The following ELMO1 variants were observed in gnomAD, a reference collection of about 807,000 sequenced individuals.
ELMO1 encodes engulfment and cell motility protein 1.
ELMO1 carries 26 observed loss-of-function variants against 98.9 expected under a neutral mutation model. The ratio of observed to expected loss-of-function variants is 0.26; its 90% confidence interval spans 0.19 to 0.36. The LOEUF (loss-of-function observed/expected upper bound fraction) is 0.36, where lower values mean the gene tolerates loss of function less well. ELMO1 is among the 10% of genes least tolerant of loss of function. ELMO1 has a pLI of 1.00. For missense variants in ELMO1, 627 were observed against 935.2 expected, an observed-to-expected ratio of 0.67 and a Z score of 4.30; for synonymous variants, 346 against 346.0, an observed-to-expected ratio of 1.00 and a Z score of 0.00.
At chr7:37,245,928 T>A (rs1219250213) in intron 6 of ELMO1, among the ~76,000 whole-genome samples, 1 of 152,158 alleles carries the variant, frequency 6.6e-6, no homozygotes, top group Non-Finnish European at 1.5e-5. Context: ...ACCCACTGAA[T>A]AAAACAGGAA....
chr7:36,905,297 A>C (rs1437457531), intron 16 of ELMO1, among the ~76,000 whole-genome samples: 2 of 152,032 alleles, frequency 1.3e-5, no homozygotes, highest in Non-Finnish European at 1.5e-5. Context: ...ACAAGGAATG[A>C]CCCTCCCATA....
At chr7:37,034,940 A>C (rs534004662) in intron 15 of ELMO1, among the ~76,000 whole-genome samples, 1 of 152,310 alleles carries the variant, frequency 6.6e-6, no homozygotes, top group African/African-American at 2.4e-5. Context: ...TCCTTCCTTC[A>C]GGGGTTGGAA....
rs377134541 is a variant in ELMO1, at chr7:37,342,736, C to A, written c.-46G>T. The stretch of plus-strand genomic sequence containing the variant: ...AAAGCCAGTGGGAATGAGGATCCTA[C>A]AGCGTAAACGGCCACACGTGTCTAT... On this transcript the variant is annotated 5_prime_UTR_variant, in exon 2 of 22. Coordinates refer to ENST00000310758, the MANE Select transcript of ELMO1 (RefSeq NM_014800.11). The surrounding 1 kb of genome is among the most constrained non-coding windows in gnomAD (Gnocchi z 4.3). 6.4e-5 allele frequency: 99 copies of A among 1,547,694 alleles called. No individual in the cohort carries two copies. Among genetic ancestry groups the A allele is most frequent in the Non-Finnish European group, 8.6e-5 (98 of 1,136,922 alleles).
At chr7:37,290,869 T>C (rs1797640583) in intron 4 of ELMO1, among the ~76,000 whole-genome samples, 1 of 146,386 alleles carries the variant, frequency 6.8e-6, no homozygotes, top group African/African-American at 2.5e-5. Context: ...ATGATGATGA[T>C]GACAGAGAAG....
intron 6 of ELMO1, among the ~76,000 whole-genome samples, chr7:37,254,130 AGAAG>A (rs1158934091): frequency 6.6e-6 from 1 of 152,204 alleles, no homozygotes; most frequent in Non-Finnish European, 1.5e-5. Context: ...CAGGACCAGC[AGAAG>A]GAAGGCAGGA....
intron 15 of ELMO1, among the ~76,000 whole-genome samples, chr7:37,014,228 T>C (rs1197384795): frequency 6.6e-6 from 1 of 152,100 alleles, no homozygotes; most frequent in Non-Finnish European, 1.5e-5. Context: ...CTTACATTTT[T>C]ATAGCCCTTT....
At chr7:37,240,032 CT>C (rs796716424) in intron 7 of ELMO1, among the ~76,000 whole-genome samples, 1,644 of 137,680 alleles carry the variant, frequency 0.012, 25 homozygotes, top group African/African-American at 0.043. Context: ...AATTTTCTTT[CT>C]TTTTTTTTTT....
intron 1 of ELMO1, among the ~76,000 whole-genome samples, chr7:37,373,468 G>A (rs999673824): frequency 2.0e-5 from 3 of 151,990 alleles, no homozygotes; most frequent in East Asian, 1.9e-4. Context: ...AATTAGCTGG[G>A]TGTGGTGGCA....
Position 36,861,944 on chromosome 7 carries a change from A to G in ELMO1, c.1906-208T>C, listed in dbSNP as rs1423042185. The G allele has an allele frequency of 5.2e-6, 3 of 578,864 alleles. No homozygotes were observed. In the East Asian group the frequency reaches 8.6e-5, roughly 17 times the overall value. 35.9% of individuals were successfully genotyped at this position (578,864 alleles called of 1,614,324 possible). On this transcript the variant is annotated intron_variant, in intron 20 of 21. Transcript: ENST00000310758. Reference sequence around the variant, plus strand: ...TTCACGGCGGTCTGTGAACTATCTCATTTAATTCGCATGCAGCCCATGTAG... The same window carrying G: ...TTCACGGCGGTCTGTGAACTATCTCGTTTAATTCGCATGCAGCCCATGTAG...
At chr7:37,276,912 T>A (rs1423454619) in intron 4 of ELMO1, among the ~76,000 whole-genome samples, 1 of 152,236 alleles carries the variant, frequency 6.6e-6, no homozygotes, top group Non-Finnish European at 1.5e-5. Flanking sequence ...GGAGCAGCCC[T>A]CGGAGCATCA....
intron 16 of ELMO1, among the ~76,000 whole-genome samples, chr7:36,983,745 A>G (rs977031444): frequency 3.3e-5 from 5 of 152,204 alleles, no homozygotes; most frequent in Admixed American, 1.3e-4. Flanking sequence ...TAGCGGACCC[A>G]TCTGAAAAGA....
intron 15 of ELMO1, among the ~76,000 whole-genome samples, chr7:37,025,021 T>C (rs993348395): frequency 1.3e-5 from 2 of 152,172 alleles, no homozygotes; most frequent in African/African-American, 4.8e-5. Context: ...CCCTGGGAAT[T>C]TGCTTATAAT....
intron 13 of ELMO1, among the ~76,000 whole-genome samples, chr7:37,184,911 A>AC (rs1245445455): frequency 6.6e-6 from 1 of 152,172 alleles, no homozygotes; most frequent in Non-Finnish European, 1.5e-5. Flanking sequence ...AGAAAAAAAA[A>AC]AGTCCATCAC....
intron 6 of ELMO1, 64 bp from the exon 7 acceptor site, chr7:37,244,455 A>C (rs1429798440): frequency 1.9e-6 from 3 of 1,545,004 alleles, no homozygotes; most frequent in Non-Finnish European, 2.7e-6. Context: ...TACACAAAGA[A>C]CATATCTTGA....
At chr7:37,416,236 G>A (rs1804207195) in intron 1 of ELMO1, among the ~76,000 whole-genome samples, 1 of 152,190 alleles carries the variant, frequency 6.6e-6, no homozygotes, top group South Asian at 2.1e-4. Context: ...CAGGAAAACT[G>A]ACAATACGAA....
rs371404181 is a variant in ELMO1 at position 37,259,204 on chromosome 7, C to T, written c.390G>A (p.Thr130=). Residue 130 remains threonine (T), a synonymous_variant, in exon 6 of 22, where the codon ACG becomes ACA. Coordinates refer to ENST00000310758, the MANE Select transcript of ELMO1 (RefSeq NM_014800.11). ...FINLDGISLL[T]QMVESGTERY... is the part of the protein sequence containing the mutation. ...ACTCAGTGCCGCTCTCCACCATCTG[C>T]GTGAGGAGAGAGATACCGTCCAGGT... 35 of 1,613,790 alleles carry T rather than the reference C, an allele frequency of 2.2e-5. No individual in the cohort carries two copies. The highest frequency in any genetic ancestry group is 1.2e-4 in the African/African-American group (9 of 74,880).
intron 20 of ELMO1, 27 bp from the exon 21 acceptor site, chr7:36,861,763 CT>C: frequency 6.2e-7 from 1 of 1,608,336 alleles, no homozygotes; most frequent in Non-Finnish European, 8.5e-7. Context: ...AAAACAGCAC[CT>C]TAAGGAAAAT....
At chr7:36,912,873 C>T (rs1784434604) in intron 16 of ELMO1, among the ~76,000 whole-genome samples, 1 of 152,112 alleles carries the variant, frequency 6.6e-6, no homozygotes, top group Non-Finnish European at 1.5e-5. Flanking sequence ...TTTTGGTGCA[C>T]AGTATATGCT....
chr7:36,872,835 A>T (rs747908554), intron 19 of ELMO1, among the ~76,000 whole-genome samples: 1 of 152,260 alleles, frequency 6.6e-6, no homozygotes, highest in Non-Finnish European at 1.5e-5. Flanking sequence ...AGTTTGAGTC[A>T]CAAGTGTCTT....
Sources: gnomAD v4.1 joint callset for allele counts (sites outside exome capture counted in the v4.1 genomes callset) on GRCh38, gnomAD v4.1.1 for gene constraint, Gnocchi (gnomAD v3.1) non-coding constraint, MANE v1.5 for transcripts, NCBI Gene and HGNC (gene_info 2026-07-23, HGNC 2026-07-21) for gene names.